Variants in VEGFD observed in about 807,000 individuals in gnomAD.
VEGFD encodes c-fos induced growth factor (vascular endothelial growth factor D).
VEGFD carries 26 observed loss-of-function variants against 28.0 expected under a neutral mutation model. The ratio of observed to expected loss-of-function variants is 0.93; its 90% confidence interval spans 0.68 to 1.29. VEGFD has a LOEUF of 1.29. VEGFD is among the 50% of genes most tolerant of loss of function. The pLI is 0.00. For missense variants in VEGFD, 294 were observed against 273.4 expected, an observed-to-expected ratio of 1.08 and a Z score of -0.53; for synonymous variants, 93 against 95.5, an observed-to-expected ratio of 0.97 and a Z score of 0.15.
intron 1 of VEGFD, among the ~76,000 whole-genome samples, chrX:15,379,420 T>C (rs1450676630): frequency 8.9e-6 from 1 of 111,908 alleles, no homozygotes; most frequent in African/African-American, 3.3e-5. Context: ...AACTAGGACA[T>C]CACAACCAGC....
Position 15,347,316 on chromosome X carries a change from C to T in VEGFD, c.786G>A (p.Met262Ile), listed in dbSNP as rs146086561. The T allele has an allele frequency of 1.5e-3, 1,756 of 1,209,218 alleles. 14 individuals are homozygous for T. The highest frequency in any genetic ancestry group is 7.8e-4 in the Non-Finnish European group (699 of 894,826). Residue 262 changes from methionine to isoleucine, a missense_variant, in exon 6 of 7, where the codon ATG becomes ATA. By Grantham distance (10) the Met-to-Ile change is conservative. Transcript: ENST00000297904. ...ACTCGCAACGATCTTCGTCAAACATCATGTGTGGCCCACAGAGAGCTGGTT... is the reference window on the plus strand; with the variant it reads ...ACTCGCAACGATCTTCGTCAAACATTATGTGTGGCCCACAGAGAGCTGGTT... Reference protein sequence around the residue: ...LQEPALCGPHMMFDEDRCECV... With the variant: ...LQEPALCGPHIMFDEDRCECV...
At chrX:15,362,112 C>T (rs1202102451) in intron 2 of VEGFD, among the ~76,000 whole-genome samples, 1 of 111,733 alleles carries the variant, frequency 8.9e-6, no homozygotes, top group Non-Finnish European at 1.9e-5. Flanking sequence ...AGGTGATCCA[C>T]CTGCCTCAAC....
At chrX:15,380,237 C>A (rs1458651196) in intron 1 of VEGFD, among the ~76,000 whole-genome samples, 1 of 112,391 alleles carries the variant, frequency 8.9e-6, no homozygotes, top group Non-Finnish European at 1.9e-5. Flanking sequence ...GGAAATCGGG[C>A]AGGGAGAAGG....
At chrX:15,363,505 G>T (rs369019613) in intron 1 of VEGFD, among the ~76,000 whole-genome samples, 186 bp from the exon 2 acceptor site, 17 of 112,010 alleles carry the variant, frequency 1.5e-4, no homozygotes, top group African/African-American at 4.9e-4. Context: ...GCTCATTTTT[G>T]ATTGAATCAG....
rs754598281 is a variant in VEGFD, at chrX:15,369,759, CAACTCAGTA to C, written c.91-6449_91-6441del. ...GGACCTTATATGGATGATAGCTATA[CAACTCAGTA>C]AATTTCCTAATATACTTGAATGAAA... is the stretch of plus-strand genomic sequence containing the variant. On this transcript the variant is annotated intron_variant, in intron 1 of 6. Coordinates refer to ENST00000297904, the MANE Select transcript of VEGFD (RefSeq NM_004469.5). Among the ~76,000 whole-genome samples, 3 of 111,242 alleles carry C rather than the reference CAACTCAGTA, an allele frequency of 2.7e-5. No individual in the cohort carries two copies. In the South Asian group the frequency reaches 1.1e-3, roughly 43 times the overall value.
chrX:15,379,647 C>T (rs755023948), intron 1 of VEGFD, among the ~76,000 whole-genome samples: 1 of 112,008 alleles, frequency 8.9e-6, no homozygotes, highest in African/African-American at 3.2e-5. Context: ...TCTGTTCATC[C>T]TAAGTTGTAG....
intron 5 of VEGFD, among the ~76,000 whole-genome samples, chrX:15,349,821 T>C (rs764061843): frequency 6.3e-5 from 7 of 111,582 alleles, no homozygotes; most frequent in Non-Finnish European, 1.1e-4. Context: ...AAAAGTATAG[T>C]GAGCAGTAAG....
intron 1 of VEGFD, among the ~76,000 whole-genome samples, chrX:15,376,053 G>A (rs763728838): frequency 9.0e-6 from 1 of 111,364 alleles, no homozygotes; most frequent in African/African-American, 3.3e-5. Flanking sequence ...GGTTTCTGAG[G>A]TCTGTTACAG....
In VEGFD at chrX:15,347,143, A is replaced by G. The variant is rs761316276; in HGVS notation, c.938+21T>C. ...TACGTTAAATGTCATGAGTAAAGGC[A>G]AGACAACTCAAGGCATTTACCTGCA... On this transcript the variant is annotated intron_variant, in intron 6 of 6. Coordinates refer to ENST00000297904, the MANE Select transcript of VEGFD (RefSeq NM_004469.5). The G allele has an allele frequency of 1.9e-5, 22 of 1,185,337 alleles. No homozygotes were observed. The African/African-American group carries it at 3.2e-4, about 17-fold the overall frequency.
At chrX:15,373,226 G>C (rs1923354537) in intron 1 of VEGFD, among the ~76,000 whole-genome samples, 1 of 112,100 alleles carries the variant, frequency 8.9e-6, no homozygotes, top group South Asian at 3.7e-4. Context: ...GGAGTACCTA[G>C]CCGGTTCCAA....
intron 1 of VEGFD, among the ~76,000 whole-genome samples, chrX:15,375,713 A>AT (rs973385228): frequency 4.5e-5 from 5 of 111,725 alleles, no homozygotes; most frequent in Admixed American, 9.5e-5. Flanking sequence ...GTGTGAATGT[A>AT]TGTGTGTGTG....
chrX:15,356,853 T>G (rs1922879452), intron 3 of VEGFD, among the ~76,000 whole-genome samples: 6 of 111,835 alleles, frequency 5.4e-5, no homozygotes, highest in Non-Finnish European at 9.4e-5. Flanking sequence ...TTAAAGGATA[T>G]TTTAGAGGGT....
chrX:15,358,883 A>G (rs1922934269), intron 2 of VEGFD, among the ~76,000 whole-genome samples: 1 of 112,524 alleles, frequency 8.9e-6, no homozygotes, highest in African/African-American at 3.2e-5. Context: ...TTTCTTGTAA[A>G]ACAGTACTTG....
intron 1 of VEGFD, among the ~76,000 whole-genome samples, chrX:15,381,872 T>G (rs1463693516): frequency 5.5e-5 from 1 of 18,069 alleles, no homozygotes; most frequent in Non-Finnish European, 8.2e-5. Flanking sequence ...TCTGATATAT[T>G]CTGAAAAAAA....
At chrX:15,378,940 C>T (rs944529713) in intron 1 of VEGFD, among the ~76,000 whole-genome samples, 2 of 111,211 alleles carry the variant, frequency 1.8e-5, no homozygotes, top group Non-Finnish European at 3.8e-5. Flanking sequence ...CTGGCCTCCA[C>T]TCACCCCACC....
chrX:15,364,477 T>C (rs758888439), intron 1 of VEGFD, among the ~76,000 whole-genome samples: 6 of 112,229 alleles, frequency 5.3e-5, no homozygotes, highest in Non-Finnish European at 9.4e-5. Context: ...GATATATGCA[T>C]ACAATGAATT....
In VEGFD at chrX:15,370,416, C is replaced by T. The variant is rs997840516; in HGVS notation, c.91-7097G>A. On this transcript the variant is annotated intron_variant, in intron 1 of 6. Coordinates refer to ENST00000297904, the MANE Select transcript of VEGFD (RefSeq NM_004469.5). ...GAATATCTTCTTTCAGTTCTCATTC[C>T]AGGTCCAAAATAAATGCCACTTCTT... is the stretch of plus-strand genomic sequence containing the variant. Among the ~76,000 whole-genome samples the T allele has an allele frequency of 3.6e-5, 4 of 111,818 alleles. 1 individual carries two copies. The East Asian group carries it at 1.1e-3, about 31-fold the overall frequency.
intron 1 of VEGFD, among the ~76,000 whole-genome samples, chrX:15,367,974 GAAAGAA>G (rs200263582): frequency 0.014 from 791 of 55,845 alleles, 21 homozygotes; most frequent in African/African-American, 0.048. Flanking sequence ...AAGAAAGAAA[GAAAGAA>G]AAAGAAAAAG....
chrX:15,358,954 T>G (rs986572325), intron 2 of VEGFD, among the ~76,000 whole-genome samples: 2 of 112,212 alleles, frequency 1.8e-5, no homozygotes, highest in Non-Finnish European at 3.8e-5. Context: ...TAATGCTGCA[T>G]AGCCTTTCTA....
Sources: gnomAD v4.1 joint callset for allele counts (sites outside exome capture counted in the v4.1 genomes callset) on GRCh38, gnomAD v4.1.1 for gene constraint, MANE v1.5 for transcripts, NCBI Gene and HGNC (gene_info 2026-07-23, HGNC 2026-07-21) for gene names.